BSDC1: variants seen among roughly 807,000 people sequenced by gnomAD.
BSDC1 encodes BSD domain containing 1.
A neutral mutation model predicts 56.0 loss-of-function variants in BSDC1; 29 were observed. The observed-to-expected ratio is 0.52, with a 90% confidence interval of 0.39 to 0.71. The LOEUF is 0.71. Ranked by LOEUF, BSDC1 falls within the 30% of genes least tolerant of loss-of-function variation. BSDC1 has a pLI of 0.00. For missense variants in BSDC1, 477 were observed against 548.5 expected (o/e 0.87, Z 1.30); for synonymous variants, 210 against 215.3 (o/e 0.98, Z 0.21).
chr1:32,386,962 G>A, intron 2 of BSDC1, 67 bp from the exon 3 acceptor site: 2 of 1,227,660 alleles, frequency 1.6e-6, no homozygotes, highest in Non-Finnish European at 1.2e-6. Context: ...TGTTCCCTGT[G>A]TTTCTTCAGT....
At chr1:32,385,489 G>A (rs1642631549) in intron 3 of BSDC1, among the ~76,000 whole-genome samples, 1 of 152,172 alleles carries the variant, frequency 6.6e-6, no homozygotes, top group African/African-American at 2.4e-5. Flanking sequence ...CACTTTGGGA[G>A]GCCGAAGCAG....
At chr1:32,388,115 G>A (rs1263241488) in intron 2 of BSDC1, among the ~76,000 whole-genome samples, 1 of 152,102 alleles carries the variant, frequency 6.6e-6, no homozygotes, top group African/African-American at 2.4e-5. Context: ...GAGTATCTCA[G>A]TGGCCACTCC....
rs974803154 is a variant in BSDC1 at position 32,367,570 on chromosome 1, G to A, written c.1260+877C>T. On this transcript the variant is annotated intron_variant, in intron 10 of 10. Coordinates refer to ENST00000455895, the MANE Select transcript of BSDC1 (RefSeq NM_018045.8). Reference sequence around the variant, plus strand: ...GGACTCATGTGGTTCTTATGTGACAGTGGAACTAACGCTGACATGAATCAG... The same window carrying A: ...GGACTCATGTGGTTCTTATGTGACAATGGAACTAACGCTGACATGAATCAG... 5 of 985,316 alleles carry A rather than the reference G, an allele frequency of 5.1e-6. No individual in the cohort carries two copies. The African/African-American group carries it at 7.0e-5, about 14-fold the overall frequency. 61.0% of individuals were successfully genotyped at this position (985,316 alleles called of 1,614,324 possible). A position where few individuals can be genotyped will look rare whatever the true frequency, so the allele number is the denominator to read the frequency against.
chr1:32,386,964 T>C lies in BSDC1; in HGVS notation c.73-69A>G, dbSNP rs1642694379. 5 of 1,223,872 alleles carry C rather than the reference T, an allele frequency of 4.1e-6. No homozygotes were observed. The South Asian group carries it at 6.1e-5, about 15-fold the overall frequency. 75.8% of individuals were successfully genotyped at this position (1,223,872 alleles called of 1,614,324 possible). On this transcript the variant is annotated intron_variant, in intron 2 of 10. Coordinates refer to ENST00000455895, the MANE Select transcript of BSDC1 (RefSeq NM_018045.8). ...CACCCCTTGTTCCTGTTCCCTGTGT[T>C]TCTTCAGTACCAGACAGACAAATGG... is the stretch of plus-strand genomic sequence containing the variant.
intron 2 of BSDC1, among the ~76,000 whole-genome samples, chr1:32,391,475 A>G (rs1360540131): frequency 2.0e-5 from 3 of 152,290 alleles, no homozygotes; most frequent in Non-Finnish European, 4.4e-5. Context: ...GAGACTGAAG[A>G]GTATGTGGGC....
At chr1:32,392,062 TGG>T (rs1436088815) in intron 2 of BSDC1, among the ~76,000 whole-genome samples, 6 of 152,214 alleles carry the variant, frequency 3.9e-5, no homozygotes, top group African/African-American at 1.4e-4. Context: ...CCAGGCGTGG[TGG>T]CTCACACCTG....
Position 32,378,802 on chromosome 1 carries a change from G to C in BSDC1, c.450C>G (p.Phe150Leu). The change falls in exon 6 of 11, where the codon TTC becomes TTG. Residue 150 changes from phenylalanine to leucine, a missense_variant. Phe to Leu is a conservative substitution (Grantham distance 22). Transcript: ENST00000455895. This position sits in a 1 kb window ranked among gnomAD's most constrained non-coding sequence, Gnocchi z 5.2. ...PELFDAWLSQ[F>L]CLEEKKGEIS... ...TCTCCCCCTTCTTCTCCTCCAAGCA[G>C]AACTGGGAAAGCCAGGCGTCAAACA... The C allele has an allele frequency of 6.5e-7, 1 of 1,546,826 alleles. No homozygotes were observed. Among genetic ancestry groups the C allele is most frequent in the Non-Finnish European group, 8.7e-7 (1 of 1,145,084 alleles).
chr1:32,385,628 G>A (rs945599387), intron 3 of BSDC1, among the ~76,000 whole-genome samples: 2 of 152,134 alleles, frequency 1.3e-5, no homozygotes, highest in East Asian at 3.9e-4. Flanking sequence ...TTGGGAGGCT[G>A]AGGTGGGGGA....
intron 2 of BSDC1, among the ~76,000 whole-genome samples, chr1:32,392,219 C>T (rs1283575159): frequency 6.6e-6 from 1 of 152,134 alleles, no homozygotes; most frequent in Non-Finnish European, 1.5e-5. Flanking sequence ...GTAATCCCAG[C>T]TACTCAGGAG....
At chr1:32,382,619 A>C (rs1016444172) in intron 4 of BSDC1, among the ~76,000 whole-genome samples, 1 of 148,800 alleles carries the variant, frequency 6.7e-6, no homozygotes, top group Non-Finnish European at 1.5e-5. Flanking sequence ...TCAGTACTTT[A>C]GGGGGCTGAG....
At chr1:32,374,192 T>C (rs1342736128) in intron 9 of BSDC1, among the ~76,000 whole-genome samples, 3 of 152,246 alleles carry the variant, frequency 2.0e-5, no homozygotes, top group Admixed American at 6.5e-5. Flanking sequence ...ACTGTGCATA[T>C]GCATCTGTGC....
rs1231916747 is a variant in BSDC1, at chr1:32,365,215, C to CT, written c.*1406dup. 1 of 152,132 alleles carries CT rather than the reference C, an allele frequency of 6.6e-6. No individual in the cohort carries two copies. Among genetic ancestry groups the CT allele is most frequent in the Non-Finnish European group, 1.5e-5 (1 of 68,008 alleles). The allele number at this position is 152,132 out of a possible 1,614,324, so 9.4% of individuals were successfully genotyped here. A position where few individuals can be genotyped will look rare whatever the true frequency, so the allele number is the denominator to read the frequency against. On this transcript the variant is annotated 3_prime_UTR_variant, in exon 11 of 11. Coordinates refer to ENST00000455895, the MANE Select transcript of BSDC1 (RefSeq NM_018045.8). ...TTATAAAACTAACAGCTGTTAGAAT[C>CT]TTTTTTTCTTTTTTTCCTTTTTTCT... is the stretch of plus-strand genomic sequence containing the variant.
At chr1:32,379,946 A>T (rs1443652243) in intron 5 of BSDC1, among the ~76,000 whole-genome samples, 1 of 152,136 alleles carries the variant, frequency 6.6e-6, no homozygotes, top group Non-Finnish European at 1.5e-5. Context: ...TGATCACCCC[A>T]GGCCTCAAAA....
intron 3 of BSDC1, chr1:32,386,481 C>T (rs1642676437): frequency 9.9e-6 from 3 of 302,572 alleles, no homozygotes; most frequent in Non-Finnish European, 1.9e-5. Context: ...TCTCTCTCTT[C>T]CTTTTCTCAT....
chr1:32,372,864 T>C (rs1057263543), intron 9 of BSDC1, among the ~76,000 whole-genome samples: 1 of 152,208 alleles, frequency 6.6e-6, no homozygotes, highest in East Asian at 1.9e-4. Context: ...CACACGGTCA[T>C]GAAGTGAGGT....
intron 9 of BSDC1, chr1:32,369,286 G>C: frequency 1.6e-6 from 2 of 1,289,780 alleles, no homozygotes; most frequent in East Asian, 1.1e-4. Flanking sequence ...GAGGCTCCAA[G>C]AGAGTCACAG....
Position 32,378,426 on chromosome 1 carries a change from C to G in BSDC1, c.529-143G>C, listed in dbSNP as rs1049043157. On this transcript the variant is annotated intron_variant, in intron 6 of 10. Transcript: ENST00000455895. The surrounding 1 kb of genome is among the most constrained non-coding windows in gnomAD (Gnocchi z 5.2). ...CAGTGACAGTCAGAGCACTTCCACC[C>G]CCACCAAAGTTTCAGCCAGACCCAC... 4.8e-6 allele frequency: 4 copies of G among 826,168 alleles called. No homozygotes were observed. Among genetic ancestry groups the G allele is most frequent in the Middle Eastern group, 3.3e-4 (1 of 3,010 alleles). The allele number at this position is 826,168 out of a possible 1,614,324, so 51.2% of individuals were successfully genotyped here. A position where few individuals can be genotyped will look rare whatever the true frequency, so the allele number is the denominator to read the frequency against.
intron 2 of BSDC1, among the ~76,000 whole-genome samples, chr1:32,388,885 C>A (rs1642762075): frequency 6.6e-6 from 1 of 152,154 alleles, no homozygotes; most frequent in Non-Finnish European, 1.5e-5. Context: ...TGCTTCATTT[C>A]CCTAGAGGGG....
At chr1:32,377,702 TC>T (rs1642341946) in intron 8 of BSDC1, among the ~76,000 whole-genome samples, 1 of 151,962 alleles carries the variant, frequency 6.6e-6, no homozygotes, top group Non-Finnish European at 1.5e-5. Context: ...TTCAAGAAGC[TC>T]CCCAGTGACT....
Sources: gnomAD v4.1 joint callset for allele counts (sites outside exome capture counted in the v4.1 genomes callset) on GRCh38, gnomAD v4.1.1 for gene constraint, Gnocchi (gnomAD v3.1) non-coding constraint, MANE v1.5 for transcripts, NCBI Gene and HGNC (gene_info 2026-07-23, HGNC 2026-07-21) for gene names.